CASD1: variants seen among roughly 807,000 people sequenced by gnomAD.
The protein encoded by CASD1 is N-acetylneuraminate (7)9-O-acetyltransferase.
CASD1 carries 41 observed loss-of-function variants against 100.0 expected under a neutral mutation model. That is an observed-to-expected ratio of 0.41 (90% CI 0.32 to 0.53). The LOEUF (loss-of-function observed/expected upper bound fraction) is 0.53, where lower values mean the gene tolerates loss of function less well. Ranked by LOEUF, CASD1 falls within the 20% of genes least tolerant of loss-of-function variation. The probability of loss-of-function intolerance (pLI) is 0.25; values close to 1 mark genes in which losing one functional copy is unlikely to be tolerated. For missense variants in CASD1, 774 were observed against 948.7 expected, an observed-to-expected ratio of 0.82 and a Z score of 2.42; for synonymous variants, 321 against 315.6, an observed-to-expected ratio of 1.02 and a Z score of -0.18.
the CASD1 span, among the ~76,000 whole-genome samples, chr7:94,568,904 C>G: frequency 6.6e-6 from 1 of 152,174 alleles, no homozygotes; most frequent in Admixed American, 6.6e-5. Flanking sequence ...TACTTCCTAG[C>G]CTTCCATACT....
At chr7:94,552,627 T>C (rs1796005053) in intron 16 of CASD1, among the ~76,000 whole-genome samples, 200 bp downstream of exon 16, 1 of 152,178 alleles carries the variant, frequency 6.6e-6, no homozygotes, top group African/African-American at 2.4e-5. Flanking sequence ...GGAAATGATG[T>C]AGCTCAGTAT....
At chr7:94,571,021 G>A in the CASD1 span, among the ~76,000 whole-genome samples, 1 of 150,578 alleles carries the variant, frequency 6.6e-6, no homozygotes. Context: ...TTCTTTATCT[G>A]GAAATGTCTT....
chr7:94,588,384 C>G, the CASD1 span: 1 of 1,159,670 alleles, frequency 8.6e-7, no homozygotes, highest in Non-Finnish European at 1.1e-6. Flanking sequence ...AAGAATCTTT[C>G]ATACCAAGGG....
At chr7:94,512,518 G>A (rs1010205857) in intron 1 of CASD1, among the ~76,000 whole-genome samples, 2 of 152,178 alleles carry the variant, frequency 1.3e-5, no homozygotes, top group African/African-American at 4.8e-5. Context: ...ACAAACTACC[G>A]AAAGTAAAGG....
At chr7:94,528,043 C>G in intron 4 of CASD1, 145 bp from the exon 5 acceptor site, 1 of 618,496 alleles carries the variant, frequency 1.6e-6, no homozygotes, top group Non-Finnish European at 2.8e-6. Flanking sequence ...AGACTCTTGC[C>G]AAATTAAGAT....
the CASD1 span, chr7:94,624,162 CA>C: frequency 0.56 from 195,901 of 348,832 alleles, 33,409 homozygotes; most frequent in African/African-American, 0.81. Flanking sequence ...TGCAGTACCT[CA>C]AAAAAAAAAA....
chr7:94,627,891 G>T, the CASD1 span: 7 of 296,934 alleles, frequency 2.4e-5, no homozygotes, highest in Admixed American at 4.5e-5. Context: ...AAAATACAGA[G>T]CAAATAAGTC....
At chr7:94,542,853 A>T (rs1477944393) in intron 10 of CASD1, among the ~76,000 whole-genome samples, 1 of 152,178 alleles carries the variant, frequency 6.6e-6, no homozygotes, top group African/African-American at 2.4e-5. Context: ...TTGTGATTCT[A>T]ATATGTTACA....
the CASD1 span, among the ~76,000 whole-genome samples, chr7:94,563,309 A>T: frequency 6.6e-6 from 1 of 152,162 alleles, no homozygotes; most frequent in African/African-American, 2.4e-5. Context: ...AAGGGTCAGA[A>T]AAGGCCTCTG....
chr7:94,546,271 T>C (rs1482039204), intron 12 of CASD1, among the ~76,000 whole-genome samples: 2 of 152,024 alleles, frequency 1.3e-5, no homozygotes, highest in Non-Finnish European at 2.9e-5. Context: ...CTTGTTATTT[T>C]CTAATTTCAC....
At chr7:94,553,435 C>T (rs568948856) in intron 16 of CASD1, among the ~76,000 whole-genome samples, 39 of 152,258 alleles carry the variant, frequency 2.6e-4, no homozygotes, top group African/African-American at 9.4e-4. Flanking sequence ...GAGTGGTTCA[C>T]TTTGGTTCCT....
At chr7:94,628,206 A>G in the CASD1 span, 1 of 1,610,404 alleles carries the variant, frequency 6.2e-7, no homozygotes, top group Non-Finnish European at 8.5e-7. Context: ...AATTACCTCA[A>G]TGATTGTTGG....
At chr7:94,632,686 C>A in the CASD1 span, among the ~76,000 whole-genome samples, 8 of 152,104 alleles carry the variant, frequency 5.3e-5, no homozygotes, top group Non-Finnish European at 1.2e-4. Flanking sequence ...CAGGCACCCA[C>A]ACAACATTTT....
At chr7:94,590,972 T>C in the CASD1 span, 5 of 152,268 alleles carry the variant, frequency 3.3e-5, no homozygotes, top group African/African-American at 1.2e-4. Context: ...AGTTCCACTT[T>C]AAAGATATTA....
chr7:94,629,789 T>G, the CASD1 span: 1 of 1,611,108 alleles, frequency 6.2e-7, no homozygotes, highest in Non-Finnish European at 8.5e-7. Context: ...AGAGGACACC[T>G]GCTGATGGGT....
intron 10 of CASD1, among the ~76,000 whole-genome samples, chr7:94,540,968 G>A (rs1444464279): frequency 6.6e-6 from 1 of 151,946 alleles, no homozygotes; most frequent in Non-Finnish European, 1.5e-5. Context: ...AAAGATGAAG[G>A]CAATTTGGTA....
the CASD1 span, chr7:94,600,375 C>T: frequency 2.5e-6 from 1 of 392,494 alleles, no homozygotes; most frequent in Non-Finnish European, 4.7e-6. Context: ...AAATATCTAG[C>T]CTCAATTATT....
the CASD1 span, among the ~76,000 whole-genome samples, chr7:94,571,592 T>TA: frequency 6.6e-6 from 1 of 152,104 alleles, no homozygotes; most frequent in Non-Finnish European, 1.5e-5. Flanking sequence ...CATGTAGTGG[T>TA]AGAAAGCTTA....
chr7:94,566,426 CAAAAG>C, the CASD1 span, among the ~76,000 whole-genome samples: 1 of 150,480 alleles, frequency 6.6e-6, no homozygotes, highest in South Asian at 2.1e-4. Flanking sequence ...ATTTCTTAGT[CAAAAG>C]AAATGCTGCA....
Sources: allele counts gnomAD v4.1 joint callset (sites outside exome capture counted in the v4.1 genomes callset), GRCh38; gene constraint gnomAD v4.1.1; transcripts MANE v1.5; gene names NCBI Gene and HGNC (gene_info 2026-07-23, HGNC 2026-07-21).